LRMDA: variants seen among roughly 807,000 people sequenced by gnomAD.
LRMDA encodes leucine rich melanocyte differentiation associated.
A neutral mutation model predicts 29.8 loss-of-function variants in LRMDA; 18 were observed. The observed-to-expected ratio is 0.60, with a 90% CI of 0.42 to 0.90. LRMDA has a LOEUF of 0.90. LRMDA is among the 40% of genes least tolerant of loss of function. LRMDA has a pLI of 0.00. For missense variants in LRMDA, 273 were observed against 273.9 expected, an observed-to-expected ratio of 1.00 and a Z score of 0.02; for synonymous variants, 125 against 109.4, an observed-to-expected ratio of 1.14 and a Z score of -0.89.
At chr10:76,141,847 A>G (rs529191608) in intron 5 of LRMDA, among the ~76,000 whole-genome samples, 1 of 152,204 alleles carries the variant, frequency 6.6e-6, no homozygotes, top group African/African-American at 2.4e-5. Flanking sequence ...TGACTTCAAC[A>G]TAACTGTCCT....
chr10:76,183,244 G>T (rs1334912691), intron 5 of LRMDA, among the ~76,000 whole-genome samples: 1 of 152,144 alleles, frequency 6.6e-6, no homozygotes, highest in South Asian at 2.1e-4. Context: ...ACAGCAGTTT[G>T]TTCCCAAGGA....
intron 5 of LRMDA, among the ~76,000 whole-genome samples, chr10:76,113,024 ACCT>A (rs1408879349): frequency 6.6e-6 from 1 of 151,958 alleles, no homozygotes. Context: ...AGAGGACTTA[ACCT>A]CCTTAATCCA....
chr10:76,058,824 C>T (rs372533253), intron 5 of LRMDA, 41 bp downstream of exon 5: 5 of 1,483,280 alleles, frequency 3.4e-6, no homozygotes, highest in Non-Finnish European at 3.8e-6. Context: ...GGATTTACAT[C>T]TCATGGCAGT....
intron 2 of LRMDA, among the ~76,000 whole-genome samples, chr10:75,462,184 G>A (rs1844594371): frequency 2.0e-5 from 3 of 152,190 alleles, no homozygotes; most frequent in Admixed American, 2.0e-4. Context: ...GGTGTCAGTT[G>A]ATATTCATAT....
intron 2 of LRMDA, among the ~76,000 whole-genome samples, chr10:75,728,421 T>C (rs1014267227): frequency 1.4e-5 from 2 of 145,686 alleles, no homozygotes; most frequent in African/African-American, 5.3e-5. Context: ...GCTTGATACG[T>C]GGCTCTGTGT....
chr10:75,712,853 C>T (rs1046278096), intron 2 of LRMDA, among the ~76,000 whole-genome samples: 1 of 151,448 alleles, frequency 6.6e-6, no homozygotes, highest in African/African-American at 2.4e-5. Flanking sequence ...TCAAACTGAG[C>T]GGCTGATTAT....
At chr10:75,530,127 A>G (rs1277175457) in intron 2 of LRMDA, among the ~76,000 whole-genome samples, 1 of 151,902 alleles carries the variant, frequency 6.6e-6, no homozygotes, top group Non-Finnish European at 1.5e-5. Context: ...TAAAAAATAT[A>G]TAAAACTTTG....
intron 6 of LRMDA, among the ~76,000 whole-genome samples, chr10:76,407,128 G>A (rs537583817): frequency 6.6e-6 from 1 of 152,292 alleles, no homozygotes; most frequent in East Asian, 1.9e-4. Context: ...CAGAGATGTG[G>A]CAGCTGAAGG....
At chr10:76,127,983 T>C (rs60150149) in intron 5 of LRMDA, among the ~76,000 whole-genome samples, 2,928 of 152,240 alleles carry the variant, frequency 0.019, 99 homozygotes, top group African/African-American at 0.066. Flanking sequence ...AACAACAAAC[T>C]AGCCAACTAC....
intron 2 of LRMDA, among the ~76,000 whole-genome samples, chr10:75,793,708 T>G (rs1273346042): frequency 6.6e-6 from 1 of 152,212 alleles, no homozygotes; most frequent in Admixed American, 6.5e-5. Flanking sequence ...GCTTGCTCTT[T>G]TCCCTCTGTC....
intron 2 of LRMDA, among the ~76,000 whole-genome samples, chr10:75,786,565 G>GA (rs1386886444): frequency 3.9e-5 from 6 of 151,936 alleles, no homozygotes; most frequent in Admixed American, 3.9e-4. Flanking sequence ...TATTCTTTCT[G>GA]ATTTTTTTCT....
At chr10:75,716,465 A>G (rs984168500) in intron 2 of LRMDA, among the ~76,000 whole-genome samples, 18 of 152,206 alleles carry the variant, frequency 1.2e-4, no homozygotes, top group African/African-American at 4.3e-4. Context: ...ATCTCAGAAC[A>G]ATGCTTTTTG....
chr10:76,339,138 A>T (rs553294311), intron 6 of LRMDA, among the ~76,000 whole-genome samples: 1 of 152,266 alleles, frequency 6.6e-6, no homozygotes, highest in African/African-American at 2.4e-5. Flanking sequence ...TGTATGAAAC[A>T]GTCACAAATT....
chr10:76,090,831 GA>G (rs1849219137), intron 5 of LRMDA, among the ~76,000 whole-genome samples: 1 of 152,182 alleles, frequency 6.6e-6, no homozygotes, highest in African/African-American at 2.4e-5. Flanking sequence ...GAGGGGTCGT[GA>G]GGGGCTGGGA....
In LRMDA at chr10:75,431,750, C is replaced by A; in HGVS notation, c.26C>A (p.Thr9Asn). ...ATGGCCGGGCTCGTGGTGCGTGGAA[C>A]TCAAGTAAGTCCCGGCCAGCCCCGC... is the stretch of plus-strand genomic sequence containing the variant. MAGLVVRG[T>N]QVSYIGQDCR... The change falls in exon 1 of 7, where the codon ACT (threonine) becomes AAT (asparagine). Residue 9 changes from threonine (T) to asparagine (N), a missense_variant. Transcript: ENST00000611255. The A allele has an allele frequency of 2.9e-6, 4 of 1,375,232 alleles. No individual in the cohort carries two copies. Among genetic ancestry groups the A allele is most frequent in the Non-Finnish European group, 3.8e-6 (4 of 1,059,132 alleles). The allele number at this position is 1,375,232 out of a possible 1,614,324, so 85.2% of individuals were successfully genotyped here. A position where few individuals can be genotyped will look rare whatever the true frequency, so the allele number is the denominator to read the frequency against.
At chr10:75,898,615 A>T (rs1377656432) in intron 2 of LRMDA, among the ~76,000 whole-genome samples, 2 of 152,196 alleles carry the variant, frequency 1.3e-5, no homozygotes, top group East Asian at 3.9e-4. Flanking sequence ...CCACTGAAAA[A>T]AAAAACACAC....
intron 2 of LRMDA, among the ~76,000 whole-genome samples, chr10:75,615,212 A>G (rs1841084088): frequency 6.6e-6 from 1 of 152,248 alleles, no homozygotes; most frequent in Non-Finnish European, 1.5e-5. Context: ...ACTGCTCAAG[A>G]TACTAATGTC....
chr10:76,455,644 A>T (rs1487731212), intron 6 of LRMDA, among the ~76,000 whole-genome samples: 2 of 152,208 alleles, frequency 1.3e-5, no homozygotes, highest in African/African-American at 2.4e-5. Flanking sequence ...TGCAAATCTT[A>T]TCACTTCTCT....
chr10:75,729,308 G>T (rs528217007), intron 2 of LRMDA, among the ~76,000 whole-genome samples: 2 of 152,338 alleles, frequency 1.3e-5, no homozygotes, highest in East Asian at 1.9e-4. Context: ...CTGAAGGAAG[G>T]TTCATTTGCT....
Sources: allele counts gnomAD v4.1 joint callset (sites outside exome capture counted in the v4.1 genomes callset), GRCh38; gene constraint gnomAD v4.1.1; transcripts MANE v1.5; gene names NCBI Gene and HGNC (gene_info 2026-07-23, HGNC 2026-07-21).